Variants in ARL5B observed in about 807,000 individuals in gnomAD.
ARL5B encodes the protein ARF like GTPase 5B, also known as ADP-ribosylation factor-like protein 5B.
ARL5B carries 10 observed loss-of-function variants against 26.9 expected under a neutral mutation model. The ratio of observed to expected loss-of-function variants is 0.37; its 90% CI spans 0.23 to 0.63. The LOEUF (loss-of-function observed/expected upper bound fraction) is 0.63, where lower values mean the gene tolerates loss of function less well. ARL5B is among the 30% of genes least tolerant of loss of function. ARL5B has a pLI of 0.62. For synonymous variants in ARL5B, 87 were observed against 70.4 expected, an observed-to-expected ratio of 1.24 and a Z score of -1.18; for missense variants, 167 against 213.9, an observed-to-expected ratio of 0.78 and a Z score of 1.37.
intron 2 of ARL5B, among the ~76,000 whole-genome samples, chr10:18,667,585 C>G (rs970256831): frequency 3.9e-5 from 6 of 152,064 alleles, no homozygotes; most frequent in Non-Finnish European, 7.3e-5. Context: ...CAAGCCTCCT[C>G]CAACACAGTA....
In ARL5B at chr10:18,659,599, T is replaced by C; in HGVS notation, c.-39T>C. Reference sequence around the variant, plus strand: ...GTGGGGGACCCGGCGCAGCGGCACCTGCTGCCGAGGGACCCCGCGGCCCGC... The same window carrying C: ...GTGGGGGACCCGGCGCAGCGGCACCCGCTGCCGAGGGACCCCGCGGCCCGC... On this transcript the variant is annotated 5_prime_UTR_variant, in exon 1 of 6. Coordinates refer to ENST00000377275, the MANE Select transcript of ARL5B (RefSeq NM_178815.5). 1 of 1,595,666 alleles carries C rather than the reference T, an allele frequency of 6.3e-7. No homozygotes were observed. Among genetic ancestry groups the C allele is most frequent in the South Asian group, 1.1e-5 (1 of 89,134 alleles).
intron 3 of ARL5B, among the ~76,000 whole-genome samples, chr10:18,671,698 C>T (rs1010960147): frequency 1.4e-5 from 2 of 147,222 alleles, no homozygotes; most frequent in South Asian, 2.3e-4. Context: ...TGAGTTAGGG[C>T]CTCTCTCTCA....
At chr10:18,661,991 T>C (rs1389810365) in intron 1 of ARL5B, among the ~76,000 whole-genome samples, 1 of 152,170 alleles carries the variant, frequency 6.6e-6, no homozygotes, top group Admixed American at 6.5e-5. Context: ...GACATTAAAC[T>C]CTCTAGAGCA....
At chr10:18,672,145 T>A (rs1241083374) in intron 3 of ARL5B, among the ~76,000 whole-genome samples, 1 of 152,226 alleles carries the variant, frequency 6.6e-6, no homozygotes, top group Non-Finnish European at 1.5e-5. Flanking sequence ...GTCTTATTTT[T>A]AAAATGCATT....
intron 3 of ARL5B, 111 bp downstream of exon 3, chr10:18,668,788 T>A (rs1034172781): frequency 3.0e-5 from 29 of 955,286 alleles, no homozygotes; most frequent in South Asian, 3.6e-5. Context: ...TTTTTTTTTT[T>A]AAGACGGAGT....
rs2059921792 is a variant in ARL5B at position 18,678,968 on chromosome 10, T to G, written c.*3752T>G. 1.3e-5 allele frequency: 2 copies of G among 151,882 alleles called. No individual in the cohort carries two copies. Among genetic ancestry groups the G allele is most frequent in the Admixed American group, 1.3e-4 (2 of 15,226 alleles). 9.4% of individuals were successfully genotyped at this position (151,882 alleles called of 1,614,324 possible). On this transcript the variant is annotated 3_prime_UTR_variant, in exon 6 of 6. Coordinates refer to ENST00000377275, the MANE Select transcript of ARL5B (RefSeq NM_178815.5). ...CTTTTGGTTTTAAAATTCTGAATGC[T>G]TATATACTACTATTAAAAATTAAAA...
intron 2 of ARL5B, among the ~76,000 whole-genome samples, chr10:18,667,762 GCT>G (rs1028480171): frequency 1.3e-4 from 19 of 151,716 alleles, no homozygotes; most frequent in African/African-American, 4.4e-4. Flanking sequence ...ACAGAGTTTT[GCT>G]CTGTTTCTAA....
chr10:18,676,468 A>G lies in ARL5B; in HGVS notation c.*1252A>G, dbSNP rs1469277081. On this transcript the variant is annotated 3_prime_UTR_variant, in exon 6 of 6. Coordinates refer to ENST00000377275, the MANE Select transcript of ARL5B (RefSeq NM_178815.5). ...AAAAGTTTATTTATTGGATGGCATT[A>G]AAACATTTTTGAGGCAGTTGTCTAA... 7 of 152,010 alleles carry G rather than the reference A, an allele frequency of 4.6e-5. No individual in the cohort carries two copies. Among genetic ancestry groups the G allele is most frequent in the Admixed American group, 2.6e-4 (4 of 15,260 alleles). 9.4% of individuals were successfully genotyped at this position (152,010 alleles called of 1,614,324 possible). A position where few individuals can be genotyped will look rare whatever the true frequency, so the allele number is the denominator to read the frequency against.
rs1239728569 is a variant in ARL5B at position 18,679,353 on chromosome 10, G to A, written c.*4137G>A. On this transcript the variant is annotated 3_prime_UTR_variant, in exon 6 of 6. Coordinates refer to ENST00000377275, the MANE Select transcript of ARL5B (RefSeq NM_178815.5). ...TTTATTGCCGTTTGATGCCACCCCA[G>A]TCTATAGTTCTGTGTGACTTTCCAT... 1 of 151,878 alleles carries A rather than the reference G, an allele frequency of 6.6e-6. No homozygotes were observed. Among genetic ancestry groups the A allele is most frequent in the Non-Finnish European group, 1.5e-5 (1 of 67,814 alleles). The allele number at this position is 151,878 out of a possible 1,614,324, so 9.4% of individuals were successfully genotyped here.
chr10:18,669,015 C>T (rs2059874927), intron 3 of ARL5B, among the ~76,000 whole-genome samples: 1 of 152,142 alleles, frequency 6.6e-6, no homozygotes. Flanking sequence ...GTGATCCACC[C>T]TCCTTGGCCT....
chr10:18,668,488 T>A (rs755527913), intron 2 of ARL5B, 42 bp from the exon 3 acceptor site: 1 of 1,604,908 alleles, frequency 6.2e-7, no homozygotes, highest in Non-Finnish European at 8.5e-7. Flanking sequence ...CTTCAGATTC[T>A]CAAGATTTAC....
chr10:18,674,339 A>G (rs2059901210), intron 5 of ARL5B, among the ~76,000 whole-genome samples: 1 of 152,248 alleles, frequency 6.6e-6, no homozygotes, highest in Admixed American at 6.5e-5. Flanking sequence ...TAATGTAAAT[A>G]TAATGTTTTA....
chr10:18,663,800 G>T (rs925997742), intron 1 of ARL5B, among the ~76,000 whole-genome samples: 1 of 150,454 alleles, frequency 6.6e-6, no homozygotes, highest in Admixed American at 6.6e-5. Flanking sequence ...CTCCCACCTC[G>T]GCCTCCCAAA....
At chr10:18,664,270 A>G (rs2059850539) in intron 1 of ARL5B, among the ~76,000 whole-genome samples, 2 of 151,708 alleles carry the variant, frequency 1.3e-5, no homozygotes, top group South Asian at 4.2e-4. Flanking sequence ...TTTTTTCTTA[A>G]GAGATGGGAT....
At chr10:18,671,794 T>C (rs2059888931) in intron 3 of ARL5B, among the ~76,000 whole-genome samples, 2 of 152,022 alleles carry the variant, frequency 1.3e-5, no homozygotes, top group Non-Finnish European at 2.9e-5. Flanking sequence ...GCCTCCCAAG[T>C]AGGTGGGACT....
intron 2 of ARL5B, 130 bp downstream of exon 2, chr10:18,666,765 T>C: frequency 2.8e-6 from 2 of 705,178 alleles, no homozygotes; most frequent in Non-Finnish European, 4.4e-6. Context: ...GTTTTTTTAA[T>C]TTTACCGAAC....
chr10:18,669,607 G>C (rs2059877540), intron 3 of ARL5B, among the ~76,000 whole-genome samples: 1 of 152,076 alleles, frequency 6.6e-6, no homozygotes, highest in African/African-American at 2.4e-5. Flanking sequence ...ATTTATCCTT[G>C]ATAGTATGAT....
chr10:18,667,554 A>G (rs2059866898), intron 2 of ARL5B, among the ~76,000 whole-genome samples: 1 of 152,184 alleles, frequency 6.6e-6, no homozygotes, highest in Admixed American at 6.5e-5. Context: ...TCAAAAATAT[A>G]CATAAAACCC....
rs1313578906 is a variant in ARL5B, at chr10:18,675,450, A to G, written c.*234A>G. On this transcript the variant is annotated 3_prime_UTR_variant, in exon 6 of 6. Coordinates refer to ENST00000377275, the MANE Select transcript of ARL5B (RefSeq NM_178815.5). Reference sequence around the variant, plus strand: ...GTAATGTATAACTATGTTTTCAGCAACAATTCTTCTGTTTATTCTAATTAA... The same window carrying G: ...GTAATGTATAACTATGTTTTCAGCAGCAATTCTTCTGTTTATTCTAATTAA... 7 of 467,598 alleles carry G rather than the reference A, an allele frequency of 1.5e-5. No homozygotes were observed. In the East Asian group the frequency reaches 2.3e-4, roughly 16 times the overall value. The allele number at this position is 467,598 out of a possible 1,614,324, so 29.0% of individuals were successfully genotyped here.
Sources: gnomAD v4.1 joint callset for allele counts (sites outside exome capture counted in the v4.1 genomes callset) on GRCh38, gnomAD v4.1.1 for gene constraint, MANE v1.5 for transcripts, NCBI Gene and HGNC (gene_info 2026-07-23, HGNC 2026-07-21) for gene names.